The following FREM2 variants were observed in gnomAD, a reference collection of about 807,000 sequenced individuals.
The protein encoded by FREM2 is FRAS1 related extracellular matrix 2.
A neutral mutation model predicts 219.9 loss-of-function variants in FREM2; 119 were observed. The ratio of observed to expected loss-of-function variants is 0.54; its 90% CI spans 0.47 to 0.63. The LOEUF is 0.63. Among genes scored for constraint, FREM2 ranks in the 30% least tolerant of loss-of-function variants. The pLI, the probability that FREM2 is intolerant of heterozygous loss-of-function variation, is 0.00. For synonymous variants in FREM2, 1,562 were observed against 1,522.8 expected, an observed-to-expected ratio of 1.03 and a Z score of -0.60; for missense variants, 4,030 against 3,993.6, an observed-to-expected ratio of 1.01 and a Z score of -0.25.
At chr13:38,796,444 A>G (rs9603426) in intron 6 of FREM2, among the ~76,000 whole-genome samples, 33,611 of 152,060 alleles carry the variant, frequency 0.22, 4,101 homozygotes, top group African/African-American at 0.32. Context: ...ATATTCCACC[A>G]TGACTCAGAT....
chr13:38,798,416 A>G (rs77215097), intron 6 of FREM2, among the ~76,000 whole-genome samples: 5,665 of 152,088 alleles, frequency 0.037, 237 homozygotes, highest in African/African-American at 0.11. Context: ...ATATTGGCCT[A>G]TAGTTTTGTT....
At chr13:38,779,573 A>G (rs1225635144) in intron 4 of FREM2, 1 of 151,582 alleles carries the variant, frequency 6.6e-6, no homozygotes, top group African/African-American at 2.4e-5. Flanking sequence ...ATACACAAGT[A>G]AAAAAATAAA....
chr13:38,700,325 A>G (rs1870293157), intron 2 of FREM2, among the ~76,000 whole-genome samples: 1 of 152,028 alleles, frequency 6.6e-6, no homozygotes. Context: ...ATGCTTGGGA[A>G]AGGGTTACTA....
chr13:38,761,199 G>A (rs1759577433), intron 2 of FREM2, among the ~76,000 whole-genome samples: 3 of 152,154 alleles, frequency 2.0e-5, no homozygotes, highest in Admixed American at 6.5e-5. Flanking sequence ...GGTTGGATGT[G>A]AGAGGATGGA....
At chr13:38,852,682 A>G (rs1231277774) in intron 11 of FREM2, among the ~76,000 whole-genome samples, 2 of 151,296 alleles carry the variant, frequency 1.3e-5, no homozygotes, top group African/African-American at 4.9e-5. Flanking sequence ...CTCCTTTTGC[A>G]AATGTTGGGC....
intron 18 of FREM2, 151 bp from the exon 19 acceptor site, chr13:38,875,871 G>C (rs2137937439): frequency 1.3e-6 from 1 of 755,960 alleles, no homozygotes; most frequent in African/African-American, 1.7e-5. Flanking sequence ...TGCCAGAGGA[G>C]GATAATTATA....
At position 38,839,051 on chromosome 13, in the gene FREM2, G is replaced by T. The variant is rs544279452; in HGVS notation, c.6020-7522G>T. On this transcript the variant is annotated intron_variant, in intron 6 of 23. Coordinates refer to ENST00000280481, the MANE Select transcript of FREM2 (RefSeq NM_207361.6). ...AGGAGAAGAGGCATTCTGGTTTTTG[G>T]AATTTTCAGCCTCTTTGTGCTGATT... Among the ~76,000 whole-genome samples, 11 of 152,196 alleles carry T rather than the reference G, an allele frequency of 7.2e-5. No homozygotes were observed. In the South Asian group the frequency reaches 2.3e-3, roughly 32 times the overall value.
chr13:38,750,527 T>C (rs1401041245), intron 2 of FREM2, among the ~76,000 whole-genome samples: 3 of 152,196 alleles, frequency 2.0e-5, no homozygotes, highest in Non-Finnish European at 2.9e-5. Flanking sequence ...CATTCATCCA[T>C]TGATGAATAC....
rs1386643155 is a variant in FREM2, at chr13:38,848,641, C to T, written c.6350C>T (p.Thr2117Ile). The T allele has an allele frequency of 6.2e-7, 1 of 1,613,870 alleles. No homozygotes were observed. The highest frequency in any genetic ancestry group is 1.3e-5 in the African/African-American group (1 of 75,014). Residue 2117 changes from threonine (T) to isoleucine (I), a missense_variant, in exon 8 of 24, where the codon ACA becomes ATA. Around this residue, in one of 2 missense-constraint regions of FREM2, gnomAD observed 3,102 missense variants for 2,950.7 expected, o/e 1.05. Coordinates refer to ENST00000280481, the MANE Select transcript of FREM2 (RefSeq NM_207361.6). ...NAALGEPSKA[T>I]VSINDSVSDL... Reference sequence around the variant, plus strand: ...GCCCTTGGCGAGCCCAGCAAAGCCACAGTGTCCATAAATGACTCTGTCTCC... The same window carrying T: ...GCCCTTGGCGAGCCCAGCAAAGCCATAGTGTCCATAAATGACTCTGTCTCC...
At chr13:38,873,348 A>G (rs773902070) in intron 17 of FREM2, among the ~76,000 whole-genome samples, 5 of 152,252 alleles carry the variant, frequency 3.3e-5, no homozygotes, top group Non-Finnish European at 4.4e-5. Flanking sequence ...TAAATTAAAT[A>G]CAAATTATGG....
intron 6 of FREM2, among the ~76,000 whole-genome samples, chr13:38,841,678 A>G (rs115960478): frequency 0.016 from 2,368 of 152,244 alleles, 53 homozygotes; most frequent in African/African-American, 0.054. Flanking sequence ...AAAGAAAATC[A>G]CTGGCTCTTC....
chr13:38,837,797 C>CTTTTTTTTTTT (rs1324884346), intron 6 of FREM2, among the ~76,000 whole-genome samples: 25 of 123,660 alleles, frequency 2.0e-4, no homozygotes, highest in Non-Finnish European at 2.7e-4. Flanking sequence ...TTTGTTTTTG[C>CTTTTTTTTTTT]TTTCCATTTG....
intron 2 of FREM2, among the ~76,000 whole-genome samples, chr13:38,702,172 T>G (rs756907653): frequency 6.6e-6 from 1 of 152,130 alleles, no homozygotes; most frequent in Non-Finnish European, 1.5e-5. Flanking sequence ...TTTCACATTT[T>G]TAAACGCATG....
At chr13:38,699,495 C>T (rs905414758) in intron 2 of FREM2, among the ~76,000 whole-genome samples, 2 of 151,992 alleles carry the variant, frequency 1.3e-5, no homozygotes, top group African/African-American at 4.8e-5. Context: ...TTTGAATTTG[C>T]TGAAAATGTG....
chr13:38,690,418 T>G lies in FREM2; in HGVS notation c.3074T>G (p.Leu1025Arg). 1 of 1,614,140 alleles carries G rather than the reference T, an allele frequency of 6.2e-7. No homozygotes were observed. Among genetic ancestry groups the G allele is most frequent in the Non-Finnish European group, 8.5e-7 (1 of 1,179,972 alleles). ...ACCCACACCAGTGGTGAGATAGGCC[T>G]ATTGCCTAAAGCGGATTCTTTTAAC... ...VYTHTSGEIG[L>R]LPKADSFNLS... The change falls in exon 1 of 24, where the codon CTA becomes CGA. Residue 1025 changes from leucine to arginine, a missense_variant. Physicochemically the swap from Leu to Arg is moderately radical, Grantham distance 102. Coordinates refer to ENST00000280481, the MANE Select transcript of FREM2 (RefSeq NM_207361.6).
chr13:38,876,600 G>A (rs561277395), intron 20 of FREM2, among the ~76,000 whole-genome samples: 22 of 152,280 alleles, frequency 1.4e-4, no homozygotes, highest in African/African-American at 5.3e-4. Context: ...GAGTTTAAAT[G>A]TATGCAATGG....
intron 2 of FREM2, among the ~76,000 whole-genome samples, chr13:38,722,740 G>T (rs1344288738): frequency 1.5e-5 from 2 of 137,380 alleles, no homozygotes; most frequent in South Asian, 2.6e-4. Flanking sequence ...GGTGTAGCTG[G>T]TAACGTTTTT....
chr13:38,860,439 C>A (rs1272144341), intron 14 of FREM2, among the ~76,000 whole-genome samples: 1 of 152,108 alleles, frequency 6.6e-6, no homozygotes, highest in Non-Finnish European at 1.5e-5. Flanking sequence ...ATATTTGATT[C>A]TATTTCTAAA....
In FREM2 at chr13:38,816,452, T is replaced by C. The variant is rs548574331; in HGVS notation, c.6020-30121T>C. Among the ~76,000 whole-genome samples the C allele has an allele frequency of 4.6e-5, 7 of 152,276 alleles. No individual in the cohort carries two copies. The East Asian group carries it at 1.2e-3, about 25-fold the overall frequency. On this transcript the variant is annotated intron_variant, in intron 6 of 23. Coordinates refer to ENST00000280481, the MANE Select transcript of FREM2 (RefSeq NM_207361.6). ...CATTTGCAAACCAATAAATGTGATATGCACATTAACGGAAAGAATTATTTT... is the reference window on the plus strand; with the variant it reads ...CATTTGCAAACCAATAAATGTGATACGCACATTAACGGAAAGAATTATTTT...
Sources: gnomAD v4.1 joint callset for allele counts (sites outside exome capture counted in the v4.1 genomes callset) on GRCh38, gnomAD v4.1.1 for gene constraint, gnomAD v4.1.1 regional missense constraint, MANE v1.5 for transcripts, NCBI Gene and HGNC (gene_info 2026-07-23, HGNC 2026-07-21) for gene names.